ASTN2: variants seen among roughly 807,000 people sequenced by gnomAD.
ASTN2 encodes the protein astrotactin-2.
ASTN2 carries 54 observed loss-of-function variants against 139.8 expected under a neutral mutation model. That is an observed-to-expected ratio of 0.39 (90% CI 0.31 to 0.48). ASTN2 has a LOEUF of 0.48. ASTN2 is among the 20% of genes least tolerant of loss of function. ASTN2 has a pLI of 0.95. For missense variants in ASTN2, 1,565 were observed against 1,725.1 expected, an observed-to-expected ratio of 0.91 and a Z score of 1.64; for synonymous variants, 756 against 719.5, an observed-to-expected ratio of 1.05 and a Z score of -0.81.
At chr9:117,331,331 C>T (rs978069442) in intron 1 of ASTN2, among the ~76,000 whole-genome samples, 33 of 152,186 alleles carry the variant, frequency 2.2e-4, no homozygotes, top group African/African-American at 7.7e-4. Context: ...TAACCAATGC[C>T]CAGTGAGTCA....
chr9:116,920,764 C>G (rs1424149868), intron 10 of ASTN2, among the ~76,000 whole-genome samples: 1 of 152,178 alleles, frequency 6.6e-6, no homozygotes, highest in Admixed American at 6.5e-5. Context: ...GCTGAGGTCA[C>G]TACGATTACT....
intron 22 of ASTN2, among the ~76,000 whole-genome samples, chr9:116,428,910 T>C (rs1250370402): frequency 1.3e-5 from 2 of 152,150 alleles, no homozygotes; most frequent in East Asian, 1.9e-4. Flanking sequence ...TTATCTATGA[T>C]TATTGTCTTG....
intron 15 of ASTN2, among the ~76,000 whole-genome samples, chr9:116,726,870 T>C (rs548198326): frequency 6.6e-6 from 1 of 152,308 alleles, no homozygotes; most frequent in South Asian, 2.1e-4. Context: ...AGTGACCTTC[T>C]TTAGAAATTC....
intron 17 of ASTN2, among the ~76,000 whole-genome samples, chr9:116,637,775 AC>A (rs1379634891): frequency 6.6e-6 from 1 of 152,164 alleles, no homozygotes; most frequent in Non-Finnish European, 1.5e-5. Flanking sequence ...TCCCATTTCT[AC>A]AAAAAATACA....
intron 14 of ASTN2, among the ~76,000 whole-genome samples, chr9:116,730,554 A>T (rs989416047): frequency 1.3e-5 from 2 of 152,116 alleles, no homozygotes; most frequent in Admixed American, 6.5e-5. Context: ...GATTGTGTGG[A>T]GGGAGGAAGG....
intron 19 of ASTN2, among the ~76,000 whole-genome samples, chr9:116,607,478 A>G (rs1450437756): frequency 6.6e-6 from 1 of 152,186 alleles, no homozygotes; most frequent in Non-Finnish European, 1.5e-5. Flanking sequence ...AGAAGGGCCT[A>G]GATCTGTGTA....
rs529178995 is a variant in ASTN2, at chr9:116,530,446, A to C, written c.3356-42946T>G. 2.3e-3 allele frequency among the ~76,000 whole-genome samples: 353 copies of C among 151,962 alleles called. 2 individuals carry two copies. Among genetic ancestry groups the C allele is most frequent in the Middle Eastern group, 3.4e-3 (1 of 294 alleles). On this transcript the variant is annotated intron_variant, in intron 19 of 22. Coordinates refer to ENST00000313400, the MANE Select transcript of ASTN2 (RefSeq NM_001365068.1). ...TCATGGTGACTATACTTAATAATAT[A>C]TTGTATGCTTGAAAATTGAAAAGAG...
intron 17 of ASTN2, among the ~76,000 whole-genome samples, chr9:116,632,205 A>AGAGAGAGAG (rs1554723308): frequency 8.8e-5 from 4 of 45,306 alleles, no homozygotes; most frequent in Admixed American, 2.6e-4. Flanking sequence ...AGAAAGAAAG[A>AGAGAGAGAG]AAAGAAAGAA....
intron 3 of ASTN2, among the ~76,000 whole-genome samples, chr9:117,204,604 A>C (rs950113909): frequency 2.6e-5 from 4 of 152,204 alleles, no homozygotes; most frequent in Admixed American, 6.5e-5. Flanking sequence ...GAGCTGGAAG[A>C]GGGAGTAGAT....
chr9:117,188,100 A>C (rs1831249497), intron 3 of ASTN2, among the ~76,000 whole-genome samples: 2 of 147,458 alleles, frequency 1.4e-5, no homozygotes, highest in Non-Finnish European at 3.0e-5. Context: ...TAGTCATGAC[A>C]AAAAAAAATG....
intron 22 of ASTN2, among the ~76,000 whole-genome samples, chr9:116,429,985 C>T (rs1047574838): frequency 2.0e-5 from 3 of 152,154 alleles, no homozygotes; most frequent in Admixed American, 6.5e-5. Flanking sequence ...AGAACATAAA[C>T]TACTAGTTGT....
At chr9:117,230,637 T>C (rs1468168036) in intron 2 of ASTN2, among the ~76,000 whole-genome samples, 1 of 152,202 alleles carries the variant, frequency 6.6e-6, no homozygotes, top group Non-Finnish European at 1.5e-5. Context: ...GTCCATTATT[T>C]AGTTGCAAGA....
intron 19 of ASTN2, among the ~76,000 whole-genome samples, chr9:116,558,243 C>T (rs557233446): frequency 1.2e-4 from 18 of 152,292 alleles, no homozygotes; most frequent in Non-Finnish European, 2.4e-4. Flanking sequence ...ATACAAACAG[C>T]AGCAGTAGTA....
chr9:116,655,383 C>T (rs1564185737), intron 16 of ASTN2, among the ~76,000 whole-genome samples: 1 of 152,210 alleles, frequency 6.6e-6, no homozygotes, highest in Non-Finnish European at 1.5e-5. Flanking sequence ...CTTCACTCCT[C>T]TTAGGTTAAA....
intron 3 of ASTN2, among the ~76,000 whole-genome samples, chr9:117,189,547 C>T (rs1053436017): frequency 2.6e-5 from 4 of 152,156 alleles, no homozygotes; most frequent in African/African-American, 9.7e-5. Context: ...GACAACATGT[C>T]AATAATAGCT....
intron 3 of ASTN2, among the ~76,000 whole-genome samples, chr9:117,167,811 A>T (rs568876919): frequency 4.8e-4 from 73 of 152,262 alleles, no homozygotes; most frequent in Non-Finnish European, 5.9e-4. Flanking sequence ...AACATGTTAC[A>T]GGTAAATCTG....
intron 20 of ASTN2, among the ~76,000 whole-genome samples, chr9:116,447,255 G>A (rs986576503): frequency 2.0e-5 from 3 of 152,116 alleles, no homozygotes; most frequent in Non-Finnish European, 4.4e-5. Flanking sequence ...TGCTTTGACC[G>A]TCTCAAGAGC....
At chr9:117,266,581 C>T (rs767976916) in intron 2 of ASTN2, among the ~76,000 whole-genome samples, 9 of 152,158 alleles carry the variant, frequency 5.9e-5, no homozygotes, top group South Asian at 2.1e-4. Context: ...GAGCATGGTA[C>T]GTCCCTTTTC....
intron 4 of ASTN2, among the ~76,000 whole-genome samples, chr9:117,100,613 T>C (rs948572838): frequency 1.3e-5 from 2 of 152,230 alleles, no homozygotes; most frequent in Non-Finnish European, 2.9e-5. Flanking sequence ...GTGCTCACCA[T>C]ATTGGAGAAC....
Sources: allele counts gnomAD v4.1 joint callset (sites outside exome capture counted in the v4.1 genomes callset), GRCh38; gene constraint gnomAD v4.1.1; transcripts MANE v1.5; gene names NCBI Gene and HGNC (gene_info 2026-07-23, HGNC 2026-07-21).